UTP14A: variants seen among roughly 807,000 people sequenced by gnomAD.
The protein encoded by UTP14A is U3 small nucleolar RNA-associated protein 14 homolog A.
In UTP14A, 5 loss-of-function variants were observed where a neutral mutation model predicts 57.2. The ratio of observed to expected loss-of-function variants is 0.09; its 90% confidence interval spans 0.05 to 0.18. The LOEUF (loss-of-function observed/expected upper bound fraction) is 0.18, where lower values mean the gene tolerates loss of function less well. Ranked by LOEUF, UTP14A falls within the 10% of genes least tolerant of loss-of-function variation. The pLI is 1.00. For missense variants in UTP14A, 430 were observed against 562.1 expected (o/e 0.76, Z 2.38); for synonymous variants, 169 against 210.9 (o/e 0.80, Z 1.72).
rs1407677948 is a variant in UTP14A at position 129,906,183 on chromosome X, G to A, written c.-28G>A. ...TGCTTTCCTTCGGCTTCCGTTCTTG[G>A]TCCATGTGAGAGAAGCTGGCTGCTG... On this transcript the variant is annotated 5_prime_UTR_variant, in exon 1 of 15. Coordinates refer to ENST00000394422, the MANE Select transcript of UTP14A (RefSeq NM_006649.4). 8.3e-6 allele frequency: 10 copies of A among 1,208,912 alleles called. No individual in the cohort carries two copies. Among genetic ancestry groups the A allele is most frequent in the Non-Finnish European group, 6.7e-6 (6 of 894,372 alleles).
At chrX:129,908,622 C>T (rs1030483641) in intron 3 of UTP14A, 48 bp from the exon 4 acceptor site, 2 of 1,128,141 alleles carry the variant, frequency 1.8e-6, no homozygotes, top group African/African-American at 3.6e-5. Flanking sequence ...AACCCCAAGC[C>T]CCCATAAAAT....
chrX:129,924,528 G>A (rs767787299), intron 11 of UTP14A, among the ~76,000 whole-genome samples: 1 of 107,354 alleles, frequency 9.3e-6, no homozygotes, highest in African/African-American at 3.4e-5. Context: ...CTCATGATCT[G>A]CCCGCCTCGG....
rs144332058 is a variant in UTP14A at position 129,926,448 on chromosome X, G to A, written c.2043+109G>A. 1,529 of 660,479 alleles carry A rather than the reference G, an allele frequency of 2.3e-3. 15 individuals carry two copies. The African/African-American group carries it at 0.029, about 12-fold the overall frequency. The allele number at this position is 660,479 out of a possible 1,213,427, so 54.4% of individuals were successfully genotyped here. On this transcript the variant is annotated intron_variant, in intron 14 of 14. Transcript: ENST00000394422. The stretch of plus-strand genomic sequence containing the variant: ...TCAAGAGAGACGTGTGATCTTGACC[G>A]CAGAATCAAATCTGTTGTTTTCACT...
At chrX:129,907,819 G>A (rs1929307637) in intron 2 of UTP14A, among the ~76,000 whole-genome samples, 1 of 111,344 alleles carries the variant, frequency 9.0e-6, no homozygotes, top group Non-Finnish European at 1.9e-5. Flanking sequence ...AGCCAGGCGT[G>A]GTGGCAGGCG....
chrX:129,908,804 C>T (rs1041920389), intron 4 of UTP14A, 70 bp downstream of exon 4: 6 of 1,003,453 alleles, frequency 6.0e-6, no homozygotes, highest in African/African-American at 5.7e-5. Flanking sequence ...GTTCACCTCA[C>T]CCCCCCTAGG....
intron 6 of UTP14A, among the ~76,000 whole-genome samples, chrX:129,913,122 C>T (rs1186452686): frequency 8.9e-6 from 1 of 111,871 alleles, no homozygotes; most frequent in Admixed American, 9.6e-5. Flanking sequence ...CCTCTTTGTG[C>T]TTCTCCTCTT....
chrX:129,918,385 G>C (rs1221886271), intron 6 of UTP14A, among the ~76,000 whole-genome samples: 2 of 78,393 alleles, frequency 2.6e-5, no homozygotes, highest in Non-Finnish European at 4.7e-5. Context: ...GCAAGACTCT[G>C]TCTCAGAAAA....
In UTP14A at chrX:129,915,456, C is replaced by T. The variant is rs780252813; in HGVS notation, c.537+3535C>T. Reference sequence around the variant, plus strand: ...AGGAGAATGGCATGAACCTGGGAGGCGGAGCTTGCAGTGAACCAAGATCGT... The same window carrying T: ...AGGAGAATGGCATGAACCTGGGAGGTGGAGCTTGCAGTGAACCAAGATCGT... On this transcript the variant is annotated intron_variant, in intron 6 of 14. Transcript: ENST00000394422. 3.1e-5 allele frequency among the ~76,000 whole-genome samples: 3 copies of T among 97,913 alleles called. No homozygotes were observed. The East Asian group carries it at 1.0e-3, about 33-fold the overall frequency. 85.0% of individuals were successfully genotyped at this position (97,913 alleles called of 115,157 possible).
intron 14 of UTP14A, among the ~76,000 whole-genome samples, chrX:129,927,864 A>G (rs1930161560): frequency 8.9e-6 from 1 of 111,772 alleles, no homozygotes; most frequent in Admixed American, 9.5e-5. Flanking sequence ...TCCTTTGGCC[A>G]CTGGGGAAGT....
chrX:129,915,743 C>T (rs1372068650), intron 6 of UTP14A, among the ~76,000 whole-genome samples: 1 of 110,304 alleles, frequency 9.1e-6, no homozygotes, highest in East Asian at 2.8e-4. Context: ...TCTTCCCCTA[C>T]TGCCCTACTG....
chrX:129,911,285 A>T, intron 5 of UTP14A, 135 bp downstream of exon 5: 3 of 906,453 alleles, frequency 3.3e-6, no homozygotes, highest in Non-Finnish European at 4.5e-6. Flanking sequence ...GGATAAGATT[A>T]AAAATAATCT....
rs187996877 is a variant in UTP14A, at chrX:129,916,245, A to T, written c.538-2930A>T. Among the ~76,000 whole-genome samples, 120 of 111,144 alleles carry T rather than the reference A, an allele frequency of 1.1e-3. 1 individual carries two copies. The Admixed American group carries it at 0.011, about 10-fold the overall frequency. ...CTGGGATTACAGGAGTGAAAATTTC[A>T]TAACTTTCGACTATCACTCTCAACC... On this transcript the variant is annotated intron_variant, in intron 6 of 14. Transcript: ENST00000394422.
intron 6 of UTP14A, among the ~76,000 whole-genome samples, chrX:129,917,710 TAAA>T (rs974628296): frequency 9.0e-6 from 1 of 111,572 alleles, no homozygotes; most frequent in African/African-American, 3.3e-5. Context: ...TTTAACATAA[TAAA>T]TAGAGATGGG....
At position 129,925,185 on chromosome X, in the gene UTP14A, T is replaced by C. The variant is rs755785830; in HGVS notation, c.1739T>C (p.Ile580Thr). ...GTGAAGTCTTTGGCAGTTCCCACAATAGAGGAGCTGGTGAGCAGAGCCAGG... is the reference window on the plus strand; with the variant it reads ...GTGAAGTCTTTGGCAGTTCCCACAACAGAGGAGCTGGTGAGCAGAGCCAGG... ...PSVKSLAVPT[I>T]EELEDEEERN... Residue 580 changes from isoleucine to threonine, a missense_variant, in exon 12 of 15, where the codon ATA (isoleucine) becomes ACA (threonine). This residue lies in a region of UTP14A where 120 missense variants were observed against 116.8 expected (regional missense o/e 1.03). Coordinates refer to ENST00000394422, the MANE Select transcript of UTP14A (RefSeq NM_006649.4). The C allele has an allele frequency of 1.7e-6, 2 of 1,204,879 alleles. No homozygotes were observed. Among genetic ancestry groups the C allele is most frequent in the Non-Finnish European group, 2.2e-6 (2 of 892,895 alleles).
At chrX:129,919,057 A>G (rs973125162) in intron 6 of UTP14A, 118 bp from the exon 7 acceptor site, 1 of 1,088,231 alleles carries the variant, frequency 9.2e-7, no homozygotes, top group Non-Finnish European at 1.3e-6. Context: ...GTAACAGCCA[A>G]TCCTATCCAC....
At chrX:129,920,404 A>T (rs958684744) in intron 8 of UTP14A, 53 bp from the exon 9 acceptor site, 21 of 1,209,466 alleles carry the variant, frequency 1.7e-5, no homozygotes, top group Non-Finnish European at 2.2e-5. Context: ...ACTTGTGCCT[A>T]TGACATCCGT....
At chrX:129,912,068 C>A in intron 6 of UTP14A, 147 bp downstream of exon 6, 3 of 663,573 alleles carry the variant, frequency 4.5e-6, no homozygotes, top group South Asian at 3.0e-5. Context: ...TGCCCATCGT[C>A]ATTGTCAGTC....
intron 6 of UTP14A, among the ~76,000 whole-genome samples, chrX:129,916,292 C>T (rs762190855): frequency 1.8e-5 from 2 of 111,320 alleles, no homozygotes; most frequent in East Asian, 5.6e-4. Context: ...GCTCCAGTCT[C>T]ATATTCCATG....
chrX:129,925,173 C>T lies in UTP14A; in HGVS notation c.1727C>T (p.Ala576Val), dbSNP rs1175098834. The T allele has an allele frequency of 1.7e-6, 2 of 1,207,958 alleles. No individual in the cohort carries two copies. Among genetic ancestry groups the T allele is most frequent in the Non-Finnish European group, 2.2e-6 (2 of 894,421 alleles). ...CAATCTCCCTCCGTGAAGTCTTTGG[C>T]AGTTCCCACAATAGAGGAGCTGGTG... ...TTQSPSVKSLAVPTIEELEDE... is the reference protein window; with the variant it reads ...TTQSPSVKSLVVPTIEELEDE... Residue 576 changes from alanine (A) to valine (V), a missense_variant, in exon 12 of 15, where the codon GCA (alanine) becomes GTA (valine). Physicochemically the swap from Ala to Val is moderately conservative, Grantham distance 64. Transcript: ENST00000394422.
Sources: allele counts gnomAD v4.1 joint callset (sites outside exome capture counted in the v4.1 genomes callset), GRCh38; gene constraint gnomAD v4.1.1; regional missense constraint gnomAD v4.1.1; transcripts MANE v1.5; gene names NCBI Gene and HGNC (gene_info 2026-07-23, HGNC 2026-07-21).